Variants in CCSER1 observed in about 807,000 individuals in gnomAD.
CCSER1 encodes serine-rich coiled-coil domain-containing protein 1.
In CCSER1, 41 loss-of-function variants were observed where a neutral mutation model predicts 82.0. The observed-to-expected ratio is 0.50, with a 90% CI of 0.39 to 0.65. The LOEUF (loss-of-function observed/expected upper bound fraction) is 0.65. Among genes scored for constraint, CCSER1 ranks in the 30% least tolerant of loss-of-function variants. The pLI is 0.00. For synonymous variants in CCSER1, 414 were observed against 383.9 expected (o/e 1.08, Z -0.92); for missense variants, 1,119 against 1,064.2 (o/e 1.05, Z -0.72).
chr4:90,454,548 T>C (rs1180418726), intron 4 of CCSER1, among the ~76,000 whole-genome samples: 1 of 152,166 alleles, frequency 6.6e-6, no homozygotes. Flanking sequence ...TCATAAGCCC[T>C]CCAGTATGCA....
chr4:91,577,146 A>G (rs1763488579), intron 10 of CCSER1, among the ~76,000 whole-genome samples: 1 of 152,012 alleles, frequency 6.6e-6, no homozygotes, highest in African/African-American at 2.4e-5. Context: ...ATATTAACAC[A>G]GGCCTTTATA....
At chr4:90,487,330 T>A (rs187687003) in intron 5 of CCSER1, among the ~76,000 whole-genome samples, 1 of 152,370 alleles carries the variant, frequency 6.6e-6, no homozygotes, top group Admixed American at 6.5e-5. Flanking sequence ...GTTGTCTGAC[T>A]TAGATCATGC....
At chr4:91,206,606 G>T (rs749022398) in intron 10 of CCSER1, among the ~76,000 whole-genome samples, 3 of 151,890 alleles carry the variant, frequency 2.0e-5, no homozygotes, top group Non-Finnish European at 4.4e-5. Context: ...GGGGCCAGAA[G>T]GGCTGGGGAT....
chr4:90,821,487 C>A (rs1019258510), intron 8 of CCSER1, among the ~76,000 whole-genome samples: 1 of 152,124 alleles, frequency 6.6e-6, no homozygotes, highest in East Asian at 1.9e-4. Flanking sequence ...AATATAGGTT[C>A]TATTTATGTT....
At chr4:90,327,253 A>G (rs1332368437) in intron 3 of CCSER1, among the ~76,000 whole-genome samples, 54 of 151,886 alleles carry the variant, frequency 3.6e-4, no homozygotes, top group Non-Finnish European at 8.8e-5. Context: ...AATCCCCCTC[A>G]CTTGTATTTT....
At position 90,382,707 on chromosome 4, in the gene CCSER1, A is replaced by G. The variant is rs886593757; in HGVS notation, c.1510-17329A>G. On this transcript the variant is annotated intron_variant, in intron 3 of 10. Coordinates refer to ENST00000509176, the MANE Select transcript of CCSER1 (RefSeq NM_001145065.2). ...TGCATTTCTCTGTACCTTAATACAA[A>G]GTACAGTAATAGAAAAATGATTCAG... 3.9e-5 allele frequency among the ~76,000 whole-genome samples: 6 copies of G among 152,120 alleles called. No homozygotes were observed. In the East Asian group the frequency reaches 7.7e-4, roughly 19 times the overall value.
chr4:91,457,747 A>G (rs1165354521), intron 10 of CCSER1, among the ~76,000 whole-genome samples: 1 of 152,148 alleles, frequency 6.6e-6, no homozygotes, highest in Non-Finnish European at 1.5e-5. Context: ...ATTTTAAAAT[A>G]ATCATTGATT....
chr4:90,353,219 A>G (rs1402880364), intron 3 of CCSER1, among the ~76,000 whole-genome samples: 2 of 152,064 alleles, frequency 1.3e-5, no homozygotes, highest in Non-Finnish European at 2.9e-5. Context: ...ATGTATCTGG[A>G]AAGAACCTGG....
intron 9 of CCSER1, among the ~76,000 whole-genome samples, chr4:91,050,757 A>T (rs1742938843): frequency 6.6e-6 from 1 of 152,268 alleles, no homozygotes; most frequent in South Asian, 2.1e-4. Context: ...AGTCCAGATA[A>T]CACTGTATCT....
At chr4:90,265,832 C>T (rs1172002140) in intron 1 of CCSER1, among the ~76,000 whole-genome samples, 1 of 152,006 alleles carries the variant, frequency 6.6e-6, no homozygotes, top group Non-Finnish European at 1.5e-5. Flanking sequence ...GAATAAAATG[C>T]ACTGCAGTCT....
chr4:91,412,536 C>A (rs1435211817), intron 10 of CCSER1, among the ~76,000 whole-genome samples: 1 of 152,030 alleles, frequency 6.6e-6, no homozygotes, highest in Non-Finnish European at 1.5e-5. Flanking sequence ...TGACTGAGGT[C>A]CTTATGGAAG....
Position 91,542,317 on chromosome 4 carries a change from G to T in CCSER1, c.2218-56255G>T, listed in dbSNP as rs1761646421. Reference sequence around the variant, plus strand: ...AAGTCCTTGTCCATGCCTATGTCCTGAATGGTATTGCCTAGGTTTTCTTCC... The same window carrying T: ...AAGTCCTTGTCCATGCCTATGTCCTTAATGGTATTGCCTAGGTTTTCTTCC... On this transcript the variant is annotated intron_variant, in intron 10 of 10. Coordinates refer to ENST00000509176, the MANE Select transcript of CCSER1 (RefSeq NM_001145065.2). Among the ~76,000 whole-genome samples, 2 of 152,128 alleles carry T rather than the reference G, an allele frequency of 1.3e-5. 1 individual carries two copies. Among genetic ancestry groups the T allele is most frequent in the Admixed American group, 1.3e-4 (2 of 15,266 alleles).
At chr4:91,048,573 A>G (rs11733931) in intron 9 of CCSER1, among the ~76,000 whole-genome samples, 25,776 of 152,066 alleles carry the variant, frequency 0.17, 2,271 homozygotes, top group Admixed American at 0.22. Flanking sequence ...AGGCTACAAT[A>G]AGAGAGAAGG....
chr4:90,843,193 G>A (rs1580738287), intron 8 of CCSER1, among the ~76,000 whole-genome samples: 1 of 151,840 alleles, frequency 6.6e-6, no homozygotes, highest in East Asian at 1.9e-4. Context: ...GGTAATAATA[G>A]TATCTACTTC....
intron 4 of CCSER1, among the ~76,000 whole-genome samples, chr4:90,462,941 A>C (rs1000078631): frequency 1.3e-5 from 2 of 152,168 alleles, no homozygotes; most frequent in African/African-American, 4.8e-5. Context: ...TAGAACAATA[A>C]GTCAATAGAC....
At chr4:90,328,481 A>G (rs539127855) in intron 3 of CCSER1, among the ~76,000 whole-genome samples, 51 of 152,262 alleles carry the variant, frequency 3.3e-4, no homozygotes, top group African/African-American at 8.9e-4. Context: ...CTGTCATTTA[A>G]AGTAGGACCT....
chr4:90,967,313 G>A (rs1040905239), intron 9 of CCSER1, among the ~76,000 whole-genome samples: 2 of 151,918 alleles, frequency 1.3e-5, no homozygotes, highest in Non-Finnish European at 2.9e-5. Context: ...GCTGGGCGTG[G>A]TGGAGTGCAC....
At chr4:91,545,343 C>A (rs905383717) in intron 10 of CCSER1, among the ~76,000 whole-genome samples, 3 of 151,988 alleles carry the variant, frequency 2.0e-5, no homozygotes, top group African/African-American at 7.2e-5. Context: ...TCCGACAAGC[C>A]CCAGTGAGAT....
At chr4:90,482,134 T>C (rs1766108559) in intron 5 of CCSER1, among the ~76,000 whole-genome samples, 1 of 152,218 alleles carries the variant, frequency 6.6e-6, no homozygotes, top group Admixed American at 6.5e-5. Context: ...ATCCATTTCT[T>C]CTAGATTTTC....
Sources: gnomAD v4.1 joint callset for allele counts (sites outside exome capture counted in the v4.1 genomes callset) on GRCh38, gnomAD v4.1.1 for gene constraint, MANE v1.5 for transcripts, NCBI Gene and HGNC (gene_info 2026-07-23, HGNC 2026-07-21) for gene names.